Variants in TRERF1 observed in about 807,000 individuals in gnomAD.
TRERF1 encodes transcriptional regulating factor 1.
In TRERF1, 27 loss-of-function variants were observed where a neutral mutation model predicts 122.9. That is an observed-to-expected ratio of 0.22 (90% CI 0.16 to 0.30). The LOEUF (loss-of-function observed/expected upper bound fraction) is 0.30, where lower values mean the gene tolerates loss of function less well. Ranked by LOEUF, TRERF1 falls within the 10% of genes least tolerant of loss-of-function variation. The pLI, the probability that TRERF1 is intolerant of heterozygous loss-of-function variation, is 1.00. For synonymous variants in TRERF1, 636 were observed against 641.7 expected (o/e 0.99, Z 0.13); for missense variants, 1,248 against 1,560.3 (o/e 0.80, Z 3.37).
chr6:42,418,199 C>T (rs1782133697), intron 2 of TRERF1, among the ~76,000 whole-genome samples: 1 of 109,248 alleles, frequency 9.2e-6, no homozygotes, highest in South Asian at 3.4e-4. Flanking sequence ...CTCTTTCTCT[C>T]CTTCTTTCTT....
chr6:42,350,628 T>A (rs1478560491), intron 3 of TRERF1, among the ~76,000 whole-genome samples: 5 of 152,212 alleles, frequency 3.3e-5, no homozygotes, highest in Admixed American at 2.6e-4. Context: ...TTAAACCCCC[T>A]CACTCCCAGG....
intron 2 of TRERF1, among the ~76,000 whole-genome samples, chr6:42,398,700 C>T (rs9381170): frequency 0.15 from 22,912 of 152,144 alleles, 2,199 homozygotes; most frequent in East Asian, 0.3. Context: ...TTTGGATGAA[C>T]GGGTGAATAA....
At chr6:42,364,884 G>T (rs141968986) in intron 2 of TRERF1, among the ~76,000 whole-genome samples, 1 of 152,310 alleles carries the variant, frequency 6.6e-6, no homozygotes, top group African/African-American at 2.4e-5. Context: ...CAGGACTGAG[G>T]CGTGAGGTCC....
Position 42,275,949 on chromosome 6 carries a change from G to A in TRERF1, c.-258-6101C>T, listed in dbSNP as rs74392004. Among the ~76,000 whole-genome samples, 191 of 152,322 alleles carry A rather than the reference G, an allele frequency of 1.3e-3. No individual in the cohort carries two copies. The highest frequency in any genetic ancestry group is 4.2e-3 in the African/African-American group (174 of 41,568). On this transcript the variant is annotated intron_variant, in intron 4 of 17. Coordinates refer to ENST00000372922, the Ensembl canonical transcript of TRERF1. This position sits in a 1 kb window ranked among gnomAD's most constrained non-coding sequence, Gnocchi z 4.1. ...TTCCAATACAACTTTATTTATGGAC[G>A]CTGAAACTTGAATTTTACATAATTT...
At position 42,347,812 on chromosome 6, in the gene TRERF1, T is replaced by G. The variant is rs564764334; in HGVS notation, c.-371+15185A>C. On this transcript the variant is annotated intron_variant, in intron 3 of 17. Transcript: ENST00000372922. Reference sequence around the variant, plus strand: ...AAGAGCTAACTGTGGGACACAGAACTTCAGCACAAGGAGCAACAGAGCTGG... The same window carrying G: ...AAGAGCTAACTGTGGGACACAGAACGTCAGCACAAGGAGCAACAGAGCTGG... 4.6e-5 allele frequency among the ~76,000 whole-genome samples: 7 copies of G among 152,312 alleles called. 2 individuals carry two copies. Among genetic ancestry groups the G allele is most frequent in the African/African-American group, 1.7e-4 (7 of 41,574 alleles).
intron 4 of TRERF1, among the ~76,000 whole-genome samples, chr6:42,274,052 C>T (rs1282090840): frequency 1.3e-5 from 2 of 152,216 alleles, no homozygotes; most frequent in Non-Finnish European, 2.9e-5. Context: ...AGTTTATTTA[C>T]AAGCACAGAA....
At chr6:42,330,466 T>G (rs1765064048) in intron 3 of TRERF1, among the ~76,000 whole-genome samples, 1 of 152,222 alleles carries the variant, frequency 6.6e-6, no homozygotes, top group South Asian at 2.1e-4. Context: ...TATTCAGTAC[T>G]GACAAAGGTG....
At chr6:42,302,013 T>C (rs976562052) in intron 3 of TRERF1, among the ~76,000 whole-genome samples, 1 of 152,174 alleles carries the variant, frequency 6.6e-6, no homozygotes, top group Non-Finnish European at 1.5e-5. Context: ...ACCTGCTGTG[T>C]TCAGGTAACA....
chr6:42,298,761 G>A (rs1028526040), intron 4 of TRERF1, among the ~76,000 whole-genome samples: 2 of 151,978 alleles, frequency 1.3e-5, no homozygotes, highest in Admixed American at 6.5e-5. Flanking sequence ...CCAACATGGT[G>A]AAATCCCATC....
At chr6:42,284,953 T>C (rs1032106319) in intron 4 of TRERF1, among the ~76,000 whole-genome samples, 1 of 152,118 alleles carries the variant, frequency 6.6e-6, no homozygotes, top group African/African-American at 2.4e-5. Flanking sequence ...AAACATTTTC[T>C]GAAGTAAGCA....
intron 2 of TRERF1, among the ~76,000 whole-genome samples, chr6:42,388,616 A>G (rs13202325): frequency 6.6e-6 from 1 of 152,168 alleles, no homozygotes; most frequent in African/African-American, 2.4e-5. Context: ...TGGCACTGCC[A>G]GAGTAAGAGA....
chr6:42,420,794 A>G (rs762358122), intron 2 of TRERF1, among the ~76,000 whole-genome samples: 2 of 152,214 alleles, frequency 1.3e-5, no homozygotes, highest in African/African-American at 2.4e-5. Context: ...GGATGCTGTC[A>G]TGTAAGTCAT....
At chr6:42,296,888 GACAA>G (rs1203723125) in intron 4 of TRERF1, among the ~76,000 whole-genome samples, 3 of 152,124 alleles carry the variant, frequency 2.0e-5, no homozygotes, top group African/African-American at 7.2e-5. Flanking sequence ...GTGACTGCCA[GACAA>G]ACAAGCCACA....
chr6:42,299,814 T>C (rs1164843521), intron 4 of TRERF1, among the ~76,000 whole-genome samples: 1 of 152,236 alleles, frequency 6.6e-6, no homozygotes, highest in Non-Finnish European at 1.5e-5. Context: ...GTCTTTCTTC[T>C]TCATTGATAT....
intron 4 of TRERF1, among the ~76,000 whole-genome samples, chr6:42,287,570 A>T (rs534303366): frequency 9.9e-5 from 15 of 152,154 alleles, no homozygotes; most frequent in Admixed American, 9.8e-4. Context: ...CCCGCCAAAC[A>T]AACTTTCACA....
At chr6:42,428,558 C>T (rs959215240) in intron 2 of TRERF1, among the ~76,000 whole-genome samples, 1 of 152,232 alleles carries the variant, frequency 6.6e-6, no homozygotes, top group Non-Finnish European at 1.5e-5. Flanking sequence ...ACACATCTTA[C>T]ATCACAGCAC....
intron 3 of TRERF1, among the ~76,000 whole-genome samples, chr6:42,346,340 A>C (rs1291229644): frequency 6.6e-6 from 1 of 152,234 alleles, no homozygotes; most frequent in Non-Finnish European, 1.5e-5. Flanking sequence ...ACGTGTGCAC[A>C]AACAGCCTCC....
At position 42,302,518 on chromosome 6, in the gene TRERF1, C is replaced by T. The variant is rs1582914387; in HGVS notation, c.-370-1769G>A. On this transcript the variant is annotated intron_variant, in intron 3 of 17. Transcript: ENST00000372922. ...GCAAACACACATACACTCTCAACTC[C>T]CTGCTTCAAATGTTAAATCATCTGC... 2.0e-5 allele frequency among the ~76,000 whole-genome samples: 3 copies of T among 152,330 alleles called. No homozygotes were observed. In the East Asian group the frequency reaches 5.8e-4, roughly 29 times the overall value.
At chr6:42,254,996 C>T in intron 12 of TRERF1, 70 bp from the exon 13 acceptor site, 4 of 1,522,922 alleles carry the variant, frequency 2.6e-6, no homozygotes, top group Middle Eastern at 1.7e-4. Context: ...GATCATCTAC[C>T]CAAAGGGGAA....
Sources: gnomAD v4.1 joint callset for allele counts (sites outside exome capture counted in the v4.1 genomes callset) on GRCh38, gnomAD v4.1.1 for gene constraint, Gnocchi (gnomAD v3.1) non-coding constraint, MANE v1.5 for transcripts, NCBI Gene and HGNC (gene_info 2026-07-23, HGNC 2026-07-21) for gene names.